The following PXMP4 variants were observed in gnomAD, a reference collection of about 807,000 sequenced individuals.
PXMP4 encodes the protein 24 kDa peroxisomal intrinsic membrane protein.
Under a neutral mutation model 21.6 loss-of-function variants are expected in PXMP4, and 16 were observed. The observed-to-expected ratio is 0.74, with a 90% confidence interval of 0.50 to 1.13. The LOEUF is 1.13. Among genes scored for constraint, PXMP4 ranks in the 50% most tolerant of loss-of-function variants. The pLI is 0.00. For synonymous variants in PXMP4, 127 were observed against 123.8 expected (o/e 1.03, Z -0.17); for missense variants, 240 against 277.7 (o/e 0.86, Z 0.96).
At chr20:33,719,822 A>G (rs1055360914) in intron 1 of PXMP4, among the ~76,000 whole-genome samples, 3 of 152,204 alleles carry the variant, frequency 2.0e-5, no homozygotes, top group Non-Finnish European at 2.9e-5. Flanking sequence ...ATGAGGGGAT[A>G]CAGAAGCTGG....
intron 1 of PXMP4, among the ~76,000 whole-genome samples, chr20:33,717,464 C>T (rs1014811266): frequency 2.7e-5 from 4 of 150,370 alleles, no homozygotes; most frequent in African/African-American, 9.8e-5. Flanking sequence ...AACGGTGAAA[C>T]CCCGTCTCTA....
intron 3 of PXMP4, among the ~76,000 whole-genome samples, chr20:33,708,903 C>T (rs2018293095): frequency 6.6e-6 from 1 of 152,010 alleles, no homozygotes; most frequent in Admixed American, 6.6e-5. Flanking sequence ...AGCCACCATG[C>T]CTGGCCTAAA....
At chr20:33,712,858 T>C (rs1038084667) in intron 2 of PXMP4, among the ~76,000 whole-genome samples, 9 of 152,232 alleles carry the variant, frequency 5.9e-5, no homozygotes, top group Non-Finnish European at 1.0e-4. Flanking sequence ...CTTGATCTCC[T>C]GACCTCGTGA....
chr20:33,708,451 T>C (rs1378612923), intron 3 of PXMP4, among the ~76,000 whole-genome samples: 1 of 152,000 alleles, frequency 6.6e-6, no homozygotes, highest in East Asian at 1.9e-4. Flanking sequence ...CCTCCCAAAG[T>C]GCTGGGATTA....
At chr20:33,710,388 C>T (rs1372026288) in intron 3 of PXMP4, among the ~76,000 whole-genome samples, 167 bp downstream of exon 3, 1 of 143,978 alleles carries the variant, frequency 6.9e-6, no homozygotes, top group Non-Finnish European at 1.5e-5. Context: ...CTTCCCCAAC[C>T]CCCTCCTCTA....
At position 33,704,552 on chromosome 20, in the gene PXMP4, G is replaced by A. The variant is rs2018238170; in HGVS notation, c.*3154C>T. 1 of 152,222 alleles carries A rather than the reference G, an allele frequency of 6.6e-6. No individual in the cohort carries two copies. 9.4% of individuals were successfully genotyped at this position (152,222 alleles called of 1,614,324 possible). ...CTCTAGAGCTCATTCAACCTCCACA[G>A]CAAGTTAAAGGAACTTCATAATTAC... On this transcript the variant is annotated 3_prime_UTR_variant, in exon 4 of 4. Coordinates refer to ENST00000409299, the MANE Select transcript of PXMP4 (RefSeq NM_007238.5).
intron 3 of PXMP4, among the ~76,000 whole-genome samples, chr20:33,709,994 CAA>C (rs1213860160): frequency 2.1e-5 from 3 of 142,688 alleles, no homozygotes; most frequent in Non-Finnish European, 3.1e-5. Flanking sequence ...TTCTGCCACT[CAA>C]AACTCTACAC....
intron 3 of PXMP4, among the ~76,000 whole-genome samples, chr20:33,709,517 G>A (rs2018298975): frequency 6.6e-6 from 1 of 152,014 alleles, no homozygotes. Flanking sequence ...CTTTGCCCCA[G>A]AGAGCAGCAC....
intron 1 of PXMP4, 126 bp from the exon 2 acceptor site, chr20:33,714,862 C>A: frequency 1.1e-6 from 1 of 908,346 alleles, no homozygotes; most frequent in South Asian, 1.4e-5. Context: ...GAGGGGAAAT[C>A]ATGCTGGATG....
chr20:33,712,671 C>T (rs2018342214), intron 2 of PXMP4, among the ~76,000 whole-genome samples: 1 of 152,192 alleles, frequency 6.6e-6, no homozygotes, highest in African/African-American at 2.4e-5. Context: ...CTCTGTGTGG[C>T]CCAGGCTGGA....
chr20:33,707,445 A>C lies in PXMP4; in HGVS notation c.*261T>G. The C allele has an allele frequency of 2.1e-6, 1 of 475,616 alleles. No homozygotes were observed. The highest frequency in any genetic ancestry group is 3.8e-6 in the Non-Finnish European group (1 of 264,130). 29.5% of individuals were successfully genotyped at this position (475,616 alleles called of 1,614,324 possible). A position where few individuals can be genotyped will look rare whatever the true frequency, so the allele number is the denominator to read the frequency against. On this transcript the variant is annotated 3_prime_UTR_variant, in exon 4 of 4. Coordinates refer to ENST00000409299, the MANE Select transcript of PXMP4 (RefSeq NM_007238.5). ...CCTTGACCCCTGAGGCCTAGAGAGT[A>C]GTGTGGCTGGCCCCAGTCTCACAGA...
At position 33,706,431 on chromosome 20, in the gene PXMP4, A is replaced by T. The variant is rs1057399932; in HGVS notation, c.*1275T>A. 1.4e-5 allele frequency: 2 copies of T among 146,682 alleles called. No homozygotes were observed. Among genetic ancestry groups the T allele is most frequent in the Admixed American group, 6.8e-5 (1 of 14,650 alleles). The allele number at this position is 146,682 out of a possible 1,614,324, so 9.1% of individuals were successfully genotyped here. A position where few individuals can be genotyped will look rare whatever the true frequency, so the allele number is the denominator to read the frequency against. On this transcript the variant is annotated 3_prime_UTR_variant, in exon 4 of 4. Coordinates refer to ENST00000409299, the MANE Select transcript of PXMP4 (RefSeq NM_007238.5). ...ACAGAGCGAGACCCTGTCGCTACTT[A>T]AAAAAAAAAAATAATAATAATATGT... is the stretch of plus-strand genomic sequence containing the variant.
chr20:33,715,145 T>C lies in PXMP4; in HGVS notation c.114-409A>G, dbSNP rs573669179. ...ACGCTCAGCATAAAAAGGGATGTTT[T>C]TTGTTTGTTTTTTGAGATGGAGTCT... is the stretch of plus-strand genomic sequence containing the variant. On this transcript the variant is annotated intron_variant, in intron 1 of 3. Coordinates refer to ENST00000409299, the MANE Select transcript of PXMP4 (RefSeq NM_007238.5). Among the ~76,000 whole-genome samples the C allele has an allele frequency of 1.1e-4, 16 of 152,240 alleles. No individual in the cohort carries two copies. In the South Asian group the frequency reaches 3.1e-3, roughly 30 times the overall value.
At chr20:33,711,500 G>A (rs774073320) in intron 2 of PXMP4, among the ~76,000 whole-genome samples, 12 of 152,100 alleles carry the variant, frequency 7.9e-5, no homozygotes, top group Non-Finnish European at 1.6e-4. Context: ...CAAAGACAGT[G>A]GGGCCATGCT....
intron 1 of PXMP4, among the ~76,000 whole-genome samples, chr20:33,718,510 C>CA (rs34706596): frequency 0.012 from 639 of 54,714 alleles, 33 homozygotes; most frequent in Middle Eastern, 0.023. Context: ...CACTCCATCT[C>CA]AAAAAAAAAA....
chr20:33,702,966 A>ACTC lies in PXMP4; in HGVS notation c.*4737_*4739dup, dbSNP rs1285187585. ...GGCAGCTAGGAAGGAGCCAAATGGG[A>ACTC]CTCCTCTCAGATCTGCTGGAAGGCA... On this transcript the variant is annotated 3_prime_UTR_variant, in exon 4 of 4. Transcript: ENST00000409299. 1 of 151,906 alleles carries ACTC rather than the reference A, an allele frequency of 6.6e-6. No individual in the cohort carries two copies. The highest frequency in any genetic ancestry group is 2.4e-5 in the African/African-American group (1 of 41,338). 9.4% of individuals were successfully genotyped at this position (151,906 alleles called of 1,614,324 possible).
At chr20:33,709,458 G>A (rs2018298500) in intron 3 of PXMP4, among the ~76,000 whole-genome samples, 1 of 152,130 alleles carries the variant, frequency 6.6e-6, no homozygotes, top group Admixed American at 6.5e-5. Context: ...CCTTACTTCA[G>A]GGTCATTTTT....
chr20:33,708,785 G>A (rs2018291850), intron 3 of PXMP4, among the ~76,000 whole-genome samples: 1 of 151,714 alleles, frequency 6.6e-6, no homozygotes, highest in Admixed American at 6.6e-5. Context: ...CTGCCTCCCT[G>A]GTTCAAGCGA....
At position 33,720,163 on chromosome 20, in the gene PXMP4, GT is replaced by G; in HGVS notation, c.44del (p.Asn15ThrfsTer37). On this transcript the variant is annotated frameshift_variant, in exon 1 of 4. Transcript: ENST00000409299. LOFTEE classifies it high-confidence loss of function. ...GGTAGCGGCGCTTGCGCAGCAGTGC[GT>G]TGACGACTACGAGCAGAGCCCTTAG... is the stretch of plus-strand genomic sequence containing the variant. Reference protein sequence around the residue: ...PQLRALLVVVNALLRKRRYHA... With the variant: ...PQLRALLVVVXALLRKRRYHA... 6.2e-7 allele frequency: 1 copy of G among 1,613,488 alleles called. No homozygotes were observed.
Sources: gnomAD v4.1 joint callset for allele counts (sites outside exome capture counted in the v4.1 genomes callset) on GRCh38, gnomAD v4.1.1 for gene constraint, MANE v1.5 for transcripts, NCBI Gene and HGNC (gene_info 2026-07-23, HGNC 2026-07-21) for gene names.